Variants in TIE1 observed in about 807,000 individuals in gnomAD.
The protein encoded by TIE1 is tyrosine kinase with immunoglobulin like and EGF like domains 1, also known as tyrosine-protein kinase receptor Tie-1.
TIE1 carries 89 observed loss-of-function variants against 130.5 expected under a neutral mutation model. The ratio of observed to expected loss-of-function variants is 0.68; its 90% CI spans 0.57 to 0.81. The LOEUF (loss-of-function observed/expected upper bound fraction) is 0.81. TIE1 is among the 40% of genes least tolerant of loss of function. The probability of loss-of-function intolerance (pLI) is 0.00; values close to 1 mark genes in which losing one functional copy is unlikely to be tolerated. For missense variants in TIE1, 1,392 were observed against 1,559.8 expected, an observed-to-expected ratio of 0.89 and a Z score of 1.81; for synonymous variants, 568 against 629.4, an observed-to-expected ratio of 0.90 and a Z score of 1.46.
Position 43,305,348 on chromosome 1 carries a change from AG to A in TIE1, c.484+6del, listed in dbSNP as rs756759867. The A allele has an allele frequency of 1.4e-5, 22 of 1,538,958 alleles. No individual in the cohort carries two copies. The South Asian group carries it at 2.7e-4, about 19-fold the overall frequency. ...ACGTGATCTGGAAGAGCAACGGTAA[AG>A]AGGGGCATTTGAACTGGTGGGGAGG... On this transcript the variant is annotated splice_donor_region_variant and intron_variant, in intron 3 of 22. Transcript: ENST00000372476.
In TIE1 at chr1:43,321,370, C is replaced by T. The variant is rs72878586; in HGVS notation, c.3149-26C>T. 2,289 of 1,613,454 alleles carry T rather than the reference C, an allele frequency of 1.4e-3. 21 individuals carry two copies. The African/African-American group carries it at 0.027, about 19-fold the overall frequency. On this transcript the variant is annotated intron_variant, in intron 20 of 22. Coordinates refer to ENST00000372476, the MANE Select transcript of TIE1 (RefSeq NM_005424.5). ...CCTTACCCCACGTGGAGCCCTGGAC[C>T]GAGAGCACTTTGTCCCCTCCTGCAG... is the stretch of plus-strand genomic sequence containing the variant.
rs1646831839 is a variant in TIE1, at chr1:43,313,915, A to C, written c.2356A>C (p.Ile786Leu). ...ILAALLTLVC[I>L]RRSCLHRRRT... The stretch of plus-strand genomic sequence containing the variant: ...GGCTGCCCTTTTAACCCTGGTGTGC[A>C]TCCGCAGAAGCTGCCTGCATCGGAG... Residue 786 changes from isoleucine (I) to leucine (L), a missense_variant, in exon 14 of 23, where the codon ATC (isoleucine) becomes CTC (leucine). By Grantham distance (5) the Ile-to-Leu change is conservative. Transcript: ENST00000372476. The surrounding 1 kb of genome is among the most constrained non-coding windows in gnomAD (Gnocchi z 6.2). 6.2e-7 allele frequency: 1 copy of C among 1,614,114 alleles called. No individual in the cohort carries two copies. The highest frequency in any genetic ancestry group is 2.2e-5 in the East Asian group (1 of 44,864).
In TIE1 at chr1:43,313,553, C is replaced by A; in HGVS notation, c.2218+128C>A. 7.9e-7 allele frequency: 1 copy of A among 1,270,108 alleles called. No individual in the cohort carries two copies. The highest frequency in any genetic ancestry group is 1.1e-6 in the Non-Finnish European group (1 of 924,634). The allele number at this position is 1,270,108 out of a possible 1,614,324, so 78.7% of individuals were successfully genotyped here. ...GCCCCTCCTGACAAAGAGTCAGCCC[C>A]AGTCCTGGGGACTCAGCCTTCCATT... On this transcript the variant is annotated intron_variant, in intron 13 of 22. Transcript: ENST00000372476. The surrounding 1 kb of genome is among the most constrained non-coding windows in gnomAD (Gnocchi z 6.2).
At position 43,319,506 on chromosome 1, in the gene TIE1, T is replaced by C; in HGVS notation, c.3084T>C (p.Ser1028=). 2 of 1,614,048 alleles carry C rather than the reference T, an allele frequency of 1.2e-6. No homozygotes were observed. Among genetic ancestry groups the C allele is most frequent in the African/African-American group, 2.7e-5 (2 of 74,996 alleles). The change falls in exon 19 of 23, where the codon AGT becomes AGC. Residue 1028 remains serine (S), a synonymous_variant. Coordinates refer to ENST00000372476, the MANE Select transcript of TIE1 (RefSeq NM_005424.5). The surrounding 1 kb of genome is among the most constrained non-coding windows in gnomAD (Gnocchi z 4.7). ...TGGCCATTGAGTCCCTGAACTACAG[T>C]GTCTATACCACCAAGAGTGATGTGT... ...RWMAIESLNY[S]VYTTKSDVWS...
chr1:43,305,435 C>T (rs2153910380), intron 3 of TIE1, 92 bp downstream of exon 3: 1 of 1,196,980 alleles, frequency 8.4e-7, no homozygotes, highest in East Asian at 2.6e-5. Context: ...CAGCTTTGGC[C>T]CCTGACACAC....
At position 43,301,099 on chromosome 1, in the gene TIE1, C is replaced by T. The variant is rs1372555729; in HGVS notation, c.28C>T (p.Leu10Phe). MVWRVPPFL[L>F]PILFLASHVG... is the part of the protein sequence containing the mutation. ...GGTCTGGCGGGTGCCCCCTTTCTTG[C>T]TCCCCATCCTCTTCTTGGCTTCTCA... Residue 10 changes from leucine to phenylalanine, a missense_variant, in exon 1 of 23, where the codon CTC becomes TTC. Physicochemically the swap from Leu to Phe is conservative, Grantham distance 22. This residue lies in a region of TIE1 where 415 missense variants were observed against 424.8 expected (regional missense o/e 0.98). Coordinates refer to ENST00000372476, the MANE Select transcript of TIE1 (RefSeq NM_005424.5). The T allele has an allele frequency of 1.9e-6, 3 of 1,613,924 alleles. No homozygotes were observed. Among genetic ancestry groups the T allele is most frequent in the Non-Finnish European group, 2.5e-6 (3 of 1,179,926 alleles).
chr1:43,311,597 C>G (rs1646791752), intron 9 of TIE1, 74 bp from the exon 10 acceptor site: 1 of 1,533,222 alleles, frequency 6.5e-7, no homozygotes, highest in Non-Finnish European at 8.8e-7. Context: ...CAGAGGGTCC[C>G]CAGCTTGAAA....
In TIE1 at chr1:43,312,517, C is replaced by A; in HGVS notation, c.1843C>A (p.His615Asn). 1 of 1,613,490 alleles carries A rather than the reference C, an allele frequency of 6.2e-7. No individual in the cohort carries two copies. Among genetic ancestry groups the A allele is most frequent in the African/African-American group, 1.3e-5 (1 of 75,040 alleles). The change falls in exon 12 of 23, where the codon CAC becomes AAC. Residue 615 changes from histidine to asparagine, a missense_variant. Coordinates refer to ENST00000372476, the MANE Select transcript of TIE1 (RefSeq NM_005424.5). This position sits in a 1 kb window ranked among gnomAD's most constrained non-coding sequence, Gnocchi z 5.6. ...CCTGACGGGACTCACGCCTGGCACCCACTACCAGCTGGATGTGCAGCTCTA... is the reference window on the plus strand; with the variant it reads ...CCTGACGGGACTCACGCCTGGCACCAACTACCAGCTGGATGTGCAGCTCTA... Reference protein sequence around the residue: ...ALLTGLTPGTHYQLDVQLYHC... With the variant: ...ALLTGLTPGTNYQLDVQLYHC...
chr1:43,308,282 G>A (rs1353428641), intron 7 of TIE1, among the ~76,000 whole-genome samples: 2 of 152,242 alleles, frequency 1.3e-5, no homozygotes, highest in Admixed American at 1.3e-4. Flanking sequence ...AGAGATAACT[G>A]AGGAAAGAAC....
In TIE1 at chr1:43,309,245, C is replaced by T. The variant is rs974848424; in HGVS notation, c.1188+114C>T. Reference sequence around the variant, plus strand: ...CTGCAGGGCCCACCCATTGGCCTGACCATTGCTCACATGAGGTCAGGCTGA... The same window carrying T: ...CTGCAGGGCCCACCCATTGGCCTGATCATTGCTCACATGAGGTCAGGCTGA... On this transcript the variant is annotated intron_variant, in intron 8 of 22. Coordinates refer to ENST00000372476, the MANE Select transcript of TIE1 (RefSeq NM_005424.5). The surrounding 1 kb of genome is among the most constrained non-coding windows in gnomAD (Gnocchi z 6.3). 2.7e-6 allele frequency: 4 copies of T among 1,508,418 alleles called. No homozygotes were observed. The highest frequency in any genetic ancestry group is 2.2e-5 in the Admixed American group (1 of 44,990). The allele number at this position is 1,508,418 out of a possible 1,614,324, so 93.4% of individuals were successfully genotyped here.
chr1:43,310,601 C>T (rs903775832), intron 9 of TIE1, among the ~76,000 whole-genome samples: 5 of 152,194 alleles, frequency 3.3e-5, no homozygotes, highest in Non-Finnish European at 5.9e-5. Flanking sequence ...CAGGACCCCT[C>T]TTCTGACTCC....
Position 43,309,076 on chromosome 1 carries a change from C to T in TIE1, c.1133C>T (p.Pro378Leu). ...PRINCAAAGN[P>L]FPVRGSIELR... Reference sequence around the variant, plus strand: ...ATCAACTGTGCAGCTGCAGGGAACCCCTTCCCCGTGCGGGGCAGCATAGAG... The same window carrying T: ...ATCAACTGTGCAGCTGCAGGGAACCTCTTCCCCGTGCGGGGCAGCATAGAG... Residue 378 changes from proline to leucine, a missense_variant, in exon 8 of 23, where the codon CCC becomes CTC. Around this residue, in one of 6 missense-constraint regions of TIE1, gnomAD observed 551 missense variants for 565.5 expected, o/e 0.97. Transcript: ENST00000372476. This position sits in a 1 kb window ranked among gnomAD's most constrained non-coding sequence, Gnocchi z 6.3. 1 of 1,613,870 alleles carries T rather than the reference C, an allele frequency of 6.2e-7. No individual in the cohort carries two copies. The highest frequency in any genetic ancestry group is 8.5e-7 in the Non-Finnish European group (1 of 1,179,872).
At position 43,318,744 on chromosome 1, in the gene TIE1, T is replaced by G. The variant is rs1344850944; in HGVS notation, c.2923-491T>G. ...GTCTCGAACTCCTGTCCTCGAGTGATCCACCCGCCTCAGCCTCCCAAAGTG... is the reference window on the plus strand; with the variant it reads ...GTCTCGAACTCCTGTCCTCGAGTGAGCCACCCGCCTCAGCCTCCCAAAGTG... On this transcript the variant is annotated intron_variant, in intron 17 of 22. Coordinates refer to ENST00000372476, the MANE Select transcript of TIE1 (RefSeq NM_005424.5). This position sits in a 1 kb window ranked among gnomAD's most constrained non-coding sequence, Gnocchi z 4.4. Among the ~76,000 whole-genome samples, 1 of 152,076 alleles carries G rather than the reference T, an allele frequency of 6.6e-6. No individual in the cohort carries two copies. Among genetic ancestry groups the G allele is most frequent in the African/African-American group, 2.4e-5 (1 of 41,414 alleles).
chr1:43,321,391 T>C lies in TIE1; in HGVS notation c.3149-5T>C. Reference sequence around the variant, plus strand: ...GGACCGAGAGCACTTTGTCCCCTCCTGCAGGAGGTACACCCTACTGTGGCA... The same window carrying C: ...GGACCGAGAGCACTTTGTCCCCTCCCGCAGGAGGTACACCCTACTGTGGCA... On this transcript the variant is annotated splice_region_variant and splice_polypyrimidine_tract_variant and intron_variant, in intron 20 of 22. Transcript: ENST00000372476. 1.9e-6 allele frequency: 3 copies of C among 1,613,978 alleles called. No individual in the cohort carries two copies. Among genetic ancestry groups the C allele is most frequent in the Non-Finnish European group, 2.5e-6 (3 of 1,179,908 alleles).
Position 43,307,054 on chromosome 1 carries a change from C to G in TIE1, c.640+59C>G. 1 of 1,612,762 alleles carries G rather than the reference C, an allele frequency of 6.2e-7. No homozygotes were observed. The highest frequency in any genetic ancestry group is 8.5e-7 in the Non-Finnish European group (1 of 1,179,462). ...TGGGAGGCTGGGAGCCCTATGGGTA[C>G]TTCCTGTGGGTCCCCTGGAGCCCCT... On this transcript the variant is annotated intron_variant, in intron 4 of 22. Transcript: ENST00000372476. This position sits in a 1 kb window ranked among gnomAD's most constrained non-coding sequence, Gnocchi z 5.4.
chr1:43,307,896 G>A lies in TIE1; in HGVS notation c.1014G>A (p.Gly338=). The change falls in exon 7 of 23, where the codon GGG becomes GGA. Residue 338 remains glycine, a synonymous_variant. Transcript: ENST00000372476. This position sits in a 1 kb window ranked among gnomAD's most constrained non-coding sequence, Gnocchi z 5.4. ...TCAGTGGTTGTGTCTGCCCCTCTGGGTGGCATGGAGTGCACTGTGAGAAGT... is the reference window on the plus strand; with the variant it reads ...TCAGTGGTTGTGTCTGCCCCTCTGGATGGCATGGAGTGCACTGTGAGAAGT... The part of the protein sequence containing the change: ...DRFSGCVCPS[G]WHGVHCEKSD... The A allele has an allele frequency of 6.2e-7, 1 of 1,614,216 alleles. No homozygotes were observed. The highest frequency in any genetic ancestry group is 8.5e-7 in the Non-Finnish European group (1 of 1,180,028).
rs371689154 is a variant in TIE1, at chr1:43,306,805, A to G, written c.485-35A>G. 7 of 1,575,390 alleles carry G rather than the reference A, an allele frequency of 4.4e-6. No individual in the cohort carries two copies. The African/African-American group carries it at 9.5e-5, about 21-fold the overall frequency. On this transcript the variant is annotated intron_variant, in intron 3 of 22. Transcript: ENST00000372476. The surrounding 1 kb of genome is among the most constrained non-coding windows in gnomAD (Gnocchi z 4.9). ...GAGAGAGGTGACACAGCCCTCATGT[A>G]GTGCTGAGGCCCCTGACACATTCAT...
intron 1 of TIE1, among the ~76,000 whole-genome samples, chr1:43,302,934 T>C (rs1646684480): frequency 6.6e-6 from 1 of 152,146 alleles, no homozygotes; most frequent in African/African-American, 2.4e-5. Context: ...GGCAGCACAG[T>C]GCTCAGAGAT....
chr1:43,311,805 A>G lies in TIE1; in HGVS notation c.1468A>G (p.Thr490Ala), dbSNP rs1646795434. Residue 490 changes from threonine (T) to alanine (A), a missense_variant, in exon 10 of 23, where the codon ACC becomes GCC. This residue lies in a region of TIE1 where 551 missense variants were observed against 565.5 expected (regional missense o/e 0.97). Coordinates refer to ENST00000372476, the MANE Select transcript of TIE1 (RefSeq NM_005424.5). The part of the protein sequence containing the change: ...VRLHYRPQDS[T>A]MDWSTIVVDP... ...CCTGCACTACCGGCCCCAGGACAGT[A>G]CCATGGACTGGTCGACCATTGTGGG... is the stretch of plus-strand genomic sequence containing the variant. The G allele has an allele frequency of 6.2e-7, 1 of 1,613,656 alleles. No individual in the cohort carries two copies. The highest frequency in any genetic ancestry group is 8.5e-7 in the Non-Finnish European group (1 of 1,179,810).
Sources: allele counts gnomAD v4.1 joint callset (sites outside exome capture counted in the v4.1 genomes callset), GRCh38; gene constraint gnomAD v4.1.1; regional missense constraint gnomAD v4.1.1; non-coding constraint Gnocchi (gnomAD v3.1); transcripts MANE v1.5; gene names NCBI Gene and HGNC (gene_info 2026-07-23, HGNC 2026-07-21).